Variants in PLCD3 observed in about 807,000 individuals in gnomAD.
PLCD3 encodes the protein phospholipase C delta 3.
PLCD3 carries 62 observed loss-of-function variants against 82.8 expected under a neutral mutation model. The ratio of observed to expected loss-of-function variants is 0.75; its 90% CI spans 0.61 to 0.93. The LOEUF is 0.93. Ranked by LOEUF, PLCD3 falls within the 40% of genes least tolerant of loss-of-function variation. The probability of loss-of-function intolerance (pLI) is 0.00; values close to 1 mark genes in which losing one functional copy is unlikely to be tolerated. For synonymous variants in PLCD3, 478 were observed against 471.8 expected (o/e 1.01, Z -0.17); for missense variants, 1,023 against 1,103.4 (o/e 0.93, Z 1.03).
Position 45,113,000 on chromosome 17 carries a change from C to T in PLCD3, c.2144G>A (p.Arg715His), listed in dbSNP as rs199824275. The change falls in exon 14 of 15, where the codon CGC becomes CAC. Residue 715 changes from arginine (R) to histidine (H), a missense_variant. By Grantham distance (29) the Arg-to-His change is conservative. This residue lies in a region of PLCD3 where 553 missense variants were observed against 655.7 expected (regional missense o/e 0.84). Transcript: ENST00000619929. ...CTGGAACTGCAGGGTCTGCCCCCAG[C>T]GGGGGTTGAAGCCTAGGGCACAGGG... ...DYVLNNGFNP[R>H]WGQTLQFQLR... 500 of 1,606,064 alleles carry T rather than the reference C, an allele frequency of 3.1e-4. 17 individuals carry two copies. The East Asian group carries it at 5.1e-3, about 16-fold the overall frequency.
chr17:45,110,861 C>T lies in PLCD3; in HGVS notation c.*1755G>A, dbSNP rs2054236184. On this transcript the variant is annotated 3_prime_UTR_variant, in exon 15 of 15. Coordinates refer to ENST00000619929, the MANE Select transcript of PLCD3 (RefSeq NM_133373.5). ...CACACAAATTAACCAGAGCCAAACG[C>T]CACTCCCAGCATGAAGGAGCGGGGG... is the stretch of plus-strand genomic sequence containing the variant. 1 of 152,274 alleles carries T rather than the reference C, an allele frequency of 6.6e-6. No homozygotes were observed. The highest frequency in any genetic ancestry group is 1.5e-5 in the Non-Finnish European group (1 of 68,064). The allele number at this position is 152,274 out of a possible 1,614,324, so 9.4% of individuals were successfully genotyped here. A position where few individuals can be genotyped will look rare whatever the true frequency, so the allele number is the denominator to read the frequency against.
rs1457711633 is a variant in PLCD3 at position 45,120,432 on chromosome 17, G to C, written c.577C>G (p.Arg193Gly). Residue 193 changes from arginine to glycine, a missense_variant, in exon 4 of 15, where the codon CGG (arginine) becomes GGG (glycine). Physicochemically the swap from Arg to Gly is moderately radical, Grantham distance 125. Around this residue, in one of 3 missense-constraint regions of PLCD3, gnomAD observed 448 missense variants for 406.3 expected, o/e 1.10. Transcript: ENST00000619929. ...LDHWIHSYLH[R>G]ADSNQDSKMS... Reference sequence around the variant, plus strand: ...TTGCTGTCCTGGTTGGAGTCAGCCCGGTGCAGATAGGAGTGGATCCAGGTG... The same window carrying C: ...TTGCTGTCCTGGTTGGAGTCAGCCCCGTGCAGATAGGAGTGGATCCAGGTG... 2 of 1,613,856 alleles carry C rather than the reference G, an allele frequency of 1.2e-6. No individual in the cohort carries two copies. Among genetic ancestry groups the C allele is most frequent in the African/African-American group, 2.7e-5 (2 of 74,944 alleles).
At chr17:45,113,398 C>A in intron 12 of PLCD3, 41 bp downstream of exon 12, 1 of 1,567,666 alleles carries the variant, frequency 6.4e-7, no homozygotes, top group Non-Finnish European at 8.7e-7. Flanking sequence ...CTTTCTAGAA[C>A]CAGTCTGACC....
In PLCD3 at chr17:45,120,988, C is replaced by G; in HGVS notation, c.468G>C (p.Thr156=). 6.5e-7 allele frequency: 1 copy of G among 1,532,816 alleles called. No individual in the cohort carries two copies. The highest frequency in any genetic ancestry group is 8.7e-7 in the Non-Finnish European group (1 of 1,146,696). 95.0% of individuals were successfully genotyped at this position (1,532,816 alleles called of 1,614,324 possible). A position where few individuals can be genotyped will look rare whatever the true frequency, so the allele number is the denominator to read the frequency against. ...RRKNLDLAAP[T]AEEAQRWVRG... ...GCACCCAGCGCTGCGCTTCCTCAGC[C>G]GTGGGCGCCGCCAGGTCCAGGTTCT... Residue 156 remains threonine (T), a synonymous_variant, in exon 3 of 15, where the codon ACG becomes ACC. Transcript: ENST00000619929.
rs774462659 is a variant in PLCD3 at position 45,115,086 on chromosome 17, GCT to G, written c.1711+6_1711+7del. On this transcript the variant is annotated splice_donor_region_variant and intron_variant, in intron 10 of 14. Transcript: ENST00000619929. The stretch of plus-strand genomic sequence containing the variant: ...TCGCCCCCAGACACCCAGTGCCCCA[GCT>G]CCTACCTGCCTCCCGAATGAGTTTC... 6.3e-7 allele frequency: 1 copy of G among 1,592,630 alleles called. No individual in the cohort carries two copies. The highest frequency in any genetic ancestry group is 1.7e-5 in the Admixed American group (1 of 57,688).
chr17:45,113,256 A>C lies in PLCD3; in HGVS notation c.1997T>G (p.Val666Gly). 1.2e-6 allele frequency: 2 copies of C among 1,604,118 alleles called. No homozygotes were observed. The highest frequency in any genetic ancestry group is 2.2e-5 in the South Asian group (2 of 89,390). ...GPPRTTLSIQ[V>G]LTAQQLPKLN... ...CTTGGGCAGCTGCTGTGCAGTCAGCACCTGTGGGTGAGGGAGGGAGTGGCT... is the reference window on the plus strand; with the variant it reads ...CTTGGGCAGCTGCTGTGCAGTCAGCCCCTGTGGGTGAGGGAGGGAGTGGCT... Residue 666 changes from valine (V) to glycine (G), a missense_variant and splice_region_variant, in exon 13 of 15, where the codon GTG (valine) becomes GGG (glycine). Around this residue, in one of 3 missense-constraint regions of PLCD3, gnomAD observed 553 missense variants for 655.7 expected, o/e 0.84. Transcript: ENST00000619929.
intron 1 of PLCD3, among the ~76,000 whole-genome samples, chr17:45,128,793 C>T (rs181576637): frequency 7.2e-5 from 11 of 152,338 alleles, no homozygotes; most frequent in East Asian, 3.9e-4. Flanking sequence ...TTCCATATTC[C>T]GCATTTAGCG....
intron 8 of PLCD3, 58 bp downstream of exon 8, chr17:45,116,574 G>T: frequency 7.4e-6 from 11 of 1,495,612 alleles, no homozygotes; most frequent in Non-Finnish European, 9.8e-6. Flanking sequence ...GAGCAGTGCG[G>T]GGAGGCGGAC....
chr17:45,132,297 G>A lies in PLCD3; in HGVS notation c.114C>T (p.Pro38=). The A allele has an allele frequency of 7.9e-7, 1 of 1,264,570 alleles. No individual in the cohort carries two copies. The highest frequency in any genetic ancestry group is 1.0e-6 in the Non-Finnish European group (1 of 1,004,378). The allele number at this position is 1,264,570 out of a possible 1,614,324, so 78.3% of individuals were successfully genotyped here. ...CGGGCCTCTTGGTGCCGCCATCGGA[G>A]GGAGTCGGCGGGGACGGGAGAGCGA... The part of the protein sequence containing the change: ...APVALPSPPT[P]SDGGTKRPGL... The change falls in exon 1 of 15, where the codon CCC becomes CCT. Residue 38 remains proline (P), a synonymous_variant. Transcript: ENST00000619929. The surrounding 1 kb of genome is among the most constrained non-coding windows in gnomAD (Gnocchi z 4.6).
chr17:45,120,354 T>C lies in PLCD3; in HGVS notation c.655A>G (p.Asn219Asp). 1.2e-6 allele frequency: 2 copies of C among 1,614,024 alleles called. No individual in the cohort carries two copies. The highest frequency in any genetic ancestry group is 1.7e-6 in the Non-Finnish European group (2 of 1,179,878). Residue 219 changes from asparagine (N) to aspartate (D), a missense_variant, in exon 4 of 15, where the codon AAC becomes GAC. Physicochemically the swap from Asn to Asp is conservative, Grantham distance 23 (BLOSUM62 1). Around this residue, in one of 3 missense-constraint regions of PLCD3, gnomAD observed 448 missense variants for 406.3 expected, o/e 1.10. Transcript: ENST00000619929. Reference protein sequence around the residue: ...SLLRMVNVDMNDMYAYLLFKE... With the variant: ...SLLRMVNVDMDDMYAYLLFKE... ...AAGAGGAGGTAGGCGTACATGTCGT[T>C]CATGTCCACGTTGACCATTCTCAGC...
rs1052169 is a variant in PLCD3, at chr17:45,111,681, A to T, written c.*935T>A. ...AACGTGCTTCTTTATTTTTTAAACTAGATAGGCTCATTCTACTGTCTTCTC... is the reference window on the plus strand; with the variant it reads ...AACGTGCTTCTTTATTTTTTAAACTTGATAGGCTCATTCTACTGTCTTCTC... On this transcript the variant is annotated 3_prime_UTR_variant, in exon 15 of 15. Coordinates refer to ENST00000619929, the MANE Select transcript of PLCD3 (RefSeq NM_133373.5). 6.6e-6 allele frequency: 1 copy of T among 152,096 alleles called. No homozygotes were observed. The allele number at this position is 152,096 out of a possible 1,614,324, so 9.4% of individuals were successfully genotyped here. A position where few individuals can be genotyped will look rare whatever the true frequency, so the allele number is the denominator to read the frequency against.
Position 45,118,346 on chromosome 17 carries a change from T to C in PLCD3, c.1060A>G (p.Thr354Ala). Reference sequence around the variant, plus strand: ...CCGATCTGGGAGTCAGTCAGATAGGTGTTGTGGGAGGAAGAGATGAAGTAG... The same window carrying C: ...CCGATCTGGGAGTCAGTCAGATAGGCGTTGTGGGAGGAAGAGATGAAGTAG... Reference protein sequence around the residue: ...AHYFISSSHNTYLTDSQIGGP... With the variant: ...AHYFISSSHNAYLTDSQIGGP... The change falls in exon 6 of 15, where the codon ACC (threonine) becomes GCC (alanine). Residue 354 changes from threonine (T) to alanine (A), a missense_variant. Physicochemically the swap from Thr to Ala is moderately conservative, Grantham distance 58 (BLOSUM62 0). Coordinates refer to ENST00000619929, the MANE Select transcript of PLCD3 (RefSeq NM_133373.5). The surrounding 1 kb of genome is among the most constrained non-coding windows in gnomAD (Gnocchi z 4.1). The C allele has an allele frequency of 6.2e-7, 1 of 1,613,590 alleles. No individual in the cohort carries two copies. Among genetic ancestry groups the C allele is most frequent in the Non-Finnish European group, 8.5e-7 (1 of 1,179,802 alleles).
At chr17:45,127,815 TGA>T (rs753403081) in intron 1 of PLCD3, among the ~76,000 whole-genome samples, 7 of 33,948 alleles carry the variant, frequency 2.1e-4, no homozygotes, top group Admixed American at 2.5e-4. Context: ...TGTGTGCGTG[TGA>T]GTGTGTGTGT....
chr17:45,120,943 G>T lies in PLCD3; in HGVS notation c.513C>A (p.Arg171=). The change falls in exon 3 of 15, where the codon CGC becomes CGA. Residue 171 remains arginine (R), a synonymous_variant. Transcript: ENST00000619929. ...GCTGGCTCATGGCGTCCAGGCGCGC[G>T]CGGAGCTTGGTCAGACCGCGCACCC... ...QRWVRGLTKL[R]ARLDAMSQRE... 1.3e-6 allele frequency: 2 copies of T among 1,486,532 alleles called. No homozygotes were observed. Among genetic ancestry groups the T allele is most frequent in the Non-Finnish European group, 1.8e-6 (2 of 1,125,742 alleles). 92.1% of individuals were successfully genotyped at this position (1,486,532 alleles called of 1,614,324 possible).
rs941521350 is a variant in PLCD3 at position 45,132,437 on chromosome 17, C to T, written c.-27G>A. 6 of 1,189,570 alleles carry T rather than the reference C, an allele frequency of 5.0e-6. No homozygotes were observed. In the African/African-American group the frequency reaches 9.6e-5, roughly 19 times the overall value. 73.7% of individuals were successfully genotyped at this position (1,189,570 alleles called of 1,614,324 possible). ...GCTTGGCGGGGGGCCGGGGCCGGGC[C>T]CGGGGTCTGCACGCGGGGACAGGGC... is the stretch of plus-strand genomic sequence containing the variant. On this transcript the variant is annotated 5_prime_UTR_variant, in exon 1 of 15. Coordinates refer to ENST00000619929, the MANE Select transcript of PLCD3 (RefSeq NM_133373.5). This position sits in a 1 kb window ranked among gnomAD's most constrained non-coding sequence, Gnocchi z 4.6.
Position 45,120,945 on chromosome 17 carries a change from G to A in PLCD3, c.511C>T (p.Arg171Cys), listed in dbSNP as rs778998483. 6.7e-7 allele frequency: 1 copy of A among 1,489,334 alleles called. No homozygotes were observed. Among genetic ancestry groups the A allele is most frequent in the Non-Finnish European group, 8.9e-7 (1 of 1,127,212 alleles). 92.3% of individuals were successfully genotyped at this position (1,489,334 alleles called of 1,614,324 possible). ...TGGCTCATGGCGTCCAGGCGCGCGCGGAGCTTGGTCAGACCGCGCACCCAG... is the reference window on the plus strand; with the variant it reads ...TGGCTCATGGCGTCCAGGCGCGCGCAGAGCTTGGTCAGACCGCGCACCCAG... ...QRWVRGLTKL[R>C]ARLDAMSQRE... Residue 171 changes from arginine (R) to cysteine (C), a missense_variant, in exon 3 of 15, where the codon CGC (arginine) becomes TGC (cysteine). By Grantham distance (180) the Arg-to-Cys change is radical. This residue lies in a region of PLCD3 where 448 missense variants were observed against 406.3 expected (regional missense o/e 1.10). Transcript: ENST00000619929.
chr17:45,125,704 T>G (rs780951737), intron 1 of PLCD3, among the ~76,000 whole-genome samples: 2 of 151,842 alleles, frequency 1.3e-5, no homozygotes, highest in African/African-American at 4.8e-5. Context: ...TGTAAAGGAG[T>G]GAAATCTGAT....
At chr17:45,115,277 C>A (rs1269700431) in intron 9 of PLCD3, 33 bp from the exon 10 acceptor site, 2 of 1,530,478 alleles carry the variant, frequency 1.3e-6, no homozygotes, top group Non-Finnish European at 1.8e-6. Context: ...GTTCAGCTGG[C>A]CCCCGCTTCC....
At chr17:45,131,500 A>G (rs1226047069) in intron 1 of PLCD3, among the ~76,000 whole-genome samples, 2 of 152,192 alleles carry the variant, frequency 1.3e-5, no homozygotes, top group Non-Finnish European at 2.9e-5. Context: ...TGCCAGTCAC[A>G]CTTTGCCCTT....
Sources: allele counts gnomAD v4.1 joint callset (sites outside exome capture counted in the v4.1 genomes callset), GRCh38; gene constraint gnomAD v4.1.1; regional missense constraint gnomAD v4.1.1; non-coding constraint Gnocchi (gnomAD v3.1); transcripts MANE v1.5; gene names NCBI Gene and HGNC (gene_info 2026-07-23, HGNC 2026-07-21).